DYNC2H1: variants seen among roughly 807,000 people sequenced by gnomAD.
The protein encoded by DYNC2H1 is dynein cytoplasmic 2 heavy chain 1.
In DYNC2H1, 410 loss-of-function variants were observed where a neutral mutation model predicts 570.0. The ratio of observed to expected loss-of-function variants is 0.72; its 90% CI spans 0.66 to 0.78. The LOEUF (loss-of-function observed/expected upper bound fraction) is 0.78, where lower values mean the gene tolerates loss of function less well. DYNC2H1 is among the 30% of genes least tolerant of loss of function. The pLI, the probability that DYNC2H1 is intolerant of heterozygous loss-of-function variation, is 0.00. For missense variants in DYNC2H1, 4,865 were observed against 5,046.4 expected, an observed-to-expected ratio of 0.96 and a Z score of 1.09; for synonymous variants, 1,688 against 1,677.6, an observed-to-expected ratio of 1.01 and a Z score of -0.15.
intron 83 of DYNC2H1, among the ~76,000 whole-genome samples, chr11:103,389,615 C>T (rs1223426287): frequency 6.6e-6 from 1 of 152,012 alleles, no homozygotes; most frequent in East Asian, 1.9e-4. Context: ...ATCTTTCCTG[C>T]TTTCTCTTGT....
rs1591728204 is a variant in DYNC2H1 at position 103,422,103 on chromosome 11, A to G, written c.12367-13840A>G. Among the ~76,000 whole-genome samples the G allele has an allele frequency of 2.0e-5, 3 of 152,268 alleles. No homozygotes were observed. The South Asian group carries it at 6.2e-4, about 32-fold the overall frequency. On this transcript the variant is annotated intron_variant, in intron 84 of 88. Coordinates refer to ENST00000375735, the MANE Select transcript of DYNC2H1 (RefSeq NM_001377.3). ...ACCAGGCCATCTAGAAGAAATGGAT[A>G]AATTCCTGGACACATACACCCTCCC...
intron 83 of DYNC2H1, among the ~76,000 whole-genome samples, chr11:103,362,959 A>G (rs573490511): frequency 2.7e-4 from 41 of 152,256 alleles, no homozygotes; most frequent in African/African-American, 7.5e-4. Flanking sequence ...TGAACCCGGG[A>G]GACAGAGGTT....
At chr11:103,346,378 C>T (rs535666311) in intron 82 of DYNC2H1, among the ~76,000 whole-genome samples, 3 of 152,254 alleles carry the variant, frequency 2.0e-5, no homozygotes, top group Non-Finnish European at 4.4e-5. Context: ...TTTTTAGCCA[C>T]AACTTAGCCA....
At position 103,203,660 on chromosome 11, in the gene DYNC2H1, T is replaced by C. The variant is rs1862805143; in HGVS notation, c.8198-3T>C. ...TTTCAATTAGTCTAATATTTTTCTGTAGGTGAAGTTCCTGGACTCTATACT... is the reference window on the plus strand; with the variant it reads ...TTTCAATTAGTCTAATATTTTTCTGCAGGTGAAGTTCCTGGACTCTATACT... On this transcript the variant is annotated splice_region_variant and splice_polypyrimidine_tract_variant and intron_variant, in intron 50 of 88. Coordinates refer to ENST00000375735, the MANE Select transcript of DYNC2H1 (RefSeq NM_001377.3). This position sits in a 1 kb window ranked among gnomAD's most constrained non-coding sequence, Gnocchi z 4.7. 6.4e-7 allele frequency: 1 copy of C among 1,563,238 alleles called. No homozygotes were observed. Among genetic ancestry groups the C allele is most frequent in the Admixed American group, 1.9e-5 (1 of 52,186 alleles).
At chr11:103,469,853 A>T (rs1185777596) in intron 88 of DYNC2H1, among the ~76,000 whole-genome samples, 1 of 152,186 alleles carries the variant, frequency 6.6e-6, no homozygotes, top group African/African-American at 2.4e-5. Context: ...GTGTAAATCA[A>T]ATTGAAACTT....
chr11:103,469,211 T>C (rs894525645), intron 88 of DYNC2H1, among the ~76,000 whole-genome samples: 3 of 152,260 alleles, frequency 2.0e-5, no homozygotes, highest in Non-Finnish European at 2.9e-5. Context: ...AATGTCATTA[T>C]GCAGCTGATA....
Position 103,278,808 on chromosome 11 carries a change from C to A in DYNC2H1, c.10696-1540C>A, listed in dbSNP as rs1156908178. On this transcript the variant is annotated intron_variant, in intron 70 of 88. Transcript: ENST00000375735. ...TCTCGAACTCCTGACCTCAGGTGATCCGCCTGCCTTGGCCTCCCAAATTGC... is the reference window on the plus strand; with the variant it reads ...TCTCGAACTCCTGACCTCAGGTGATACGCCTGCCTTGGCCTCCCAAATTGC... 2.6e-5 allele frequency among the ~76,000 whole-genome samples: 4 copies of A among 152,090 alleles called. No individual in the cohort carries two copies. The East Asian group carries it at 7.7e-4, about 29-fold the overall frequency.
chr11:103,464,621 C>T (rs1224877228), intron 87 of DYNC2H1, among the ~76,000 whole-genome samples: 1 of 152,110 alleles, frequency 6.6e-6, no homozygotes, highest in Non-Finnish European at 1.5e-5. Context: ...TGACAGCGGA[C>T]TTCTCATTCA....
chr11:103,236,639 T>C, intron 63 of DYNC2H1, 100 bp downstream of exon 63: 1 of 580,604 alleles, frequency 1.7e-6, no homozygotes, highest in Non-Finnish European at 2.9e-6. Flanking sequence ...CAGTTACCCT[T>C]TTCTTACTAA....
At chr11:103,286,107 C>T in intron 73 of DYNC2H1, 148 bp from the exon 74 acceptor site, 1 of 1,099,720 alleles carries the variant, frequency 9.1e-7, no homozygotes, top group Non-Finnish European at 1.3e-6. Context: ...GAGTTGCCAA[C>T]CTAGAAATAA....
chr11:103,152,115 T>TG (rs1860581059), intron 20 of DYNC2H1, 21 bp from the exon 21 acceptor site: 1 of 1,547,468 alleles, frequency 6.5e-7, no homozygotes. Context: ...TTCAATTTGT[T>TG]TTTTTTTTTT....
chr11:103,184,469 A>T (rs999572570), intron 40 of DYNC2H1, among the ~76,000 whole-genome samples: 1 of 151,908 alleles, frequency 6.6e-6, no homozygotes, highest in South Asian at 2.1e-4. Context: ...TTTCAGAGAA[A>T]GCTCCATGTG....
In DYNC2H1 at chr11:103,191,642, T is replaced by TTGTGTGTGTG. The variant is rs146014868; in HGVS notation, c.7540+34_7540+43dup. 2,131 of 1,368,510 alleles carry TTGTGTGTGTG rather than the reference T, an allele frequency of 1.6e-3. 3 individuals are homozygous for TTGTGTGTGTG. Among genetic ancestry groups the TTGTGTGTGTG allele is most frequent in the South Asian group, 3.0e-3 (225 of 74,148 alleles). The allele number at this position is 1,368,510 out of a possible 1,614,324, so 84.8% of individuals were successfully genotyped here. A position where few individuals can be genotyped will look rare whatever the true frequency, so the allele number is the denominator to read the frequency against. Reference sequence around the variant, plus strand: ...GAGGTGAGTTTTGCTAGTGTGTATCTTGTGTGTGTGTGTGTGTGTGCACAT... The same window carrying TTGTGTGTGTG: ...GAGGTGAGTTTTGCTAGTGTGTATCTTGTGTGTGTGTGTGTGTGTGTGTGTGTGTGCACAT... On this transcript the variant is annotated intron_variant, in intron 46 of 88. Coordinates refer to ENST00000375735, the MANE Select transcript of DYNC2H1 (RefSeq NM_001377.3).
chr11:103,400,153 C>G lies in DYNC2H1; in HGVS notation c.12366+281C>G, dbSNP rs73599087. On this transcript the variant is annotated intron_variant, in intron 84 of 88. Transcript: ENST00000375735. The stretch of plus-strand genomic sequence containing the variant: ...AATTTATGTTGATTTCACTTTGGGG[C>G]AGGTCCCCTATACATGAGCTTGAGT... Among the ~76,000 whole-genome samples the G allele has an allele frequency of 0.026, 3,944 of 152,266 alleles. 174 individuals carry two copies. The highest frequency in any genetic ancestry group is 0.089 in the African/African-American group (3,689 of 41,538).
intron 84 of DYNC2H1, among the ~76,000 whole-genome samples, chr11:103,427,903 A>G (rs1200896272): frequency 2.6e-5 from 4 of 151,986 alleles, no homozygotes; most frequent in Non-Finnish European, 5.9e-5. Flanking sequence ...TTTGAGTAGA[A>G]TTTATCATTC....
In DYNC2H1 at chr11:103,151,292, G is replaced by A. The variant is rs1352059815; in HGVS notation, c.2947-844G>A. On this transcript the variant is annotated intron_variant, in intron 20 of 88. Transcript: ENST00000375735. The surrounding 1 kb of genome is among the most constrained non-coding windows in gnomAD (Gnocchi z 4.6). ...TTTTAAAATATATTTTTTTAGAGAT[G>A]CGTTCTCACTATGTTGCTTAGGTTA... 6.6e-6 allele frequency among the ~76,000 whole-genome samples: 1 copy of A among 152,092 alleles called. No individual in the cohort carries two copies. Among genetic ancestry groups the A allele is most frequent in the African/African-American group, 2.4e-5 (1 of 41,494 alleles).
At chr11:103,388,165 CTCTTT>C (rs1214032225) in intron 83 of DYNC2H1, among the ~76,000 whole-genome samples, 14 of 151,964 alleles carry the variant, frequency 9.2e-5, no homozygotes, top group African/African-American at 3.4e-4. Flanking sequence ...TGTTTGTATC[CTCTTT>C]TATTTCCTTG....
chr11:103,384,607 A>G (rs765938385), intron 83 of DYNC2H1, among the ~76,000 whole-genome samples: 1 of 151,728 alleles, frequency 6.6e-6, no homozygotes, highest in Non-Finnish European at 1.5e-5. Flanking sequence ...GGTATTCTGT[A>G]TGTTTTTTGT....
At position 103,143,386 on chromosome 11, in the gene DYNC2H1, G is replaced by A. The variant is rs375661171; in HGVS notation, c.2693G>A (p.Arg898Gln). 52 of 1,609,108 alleles carry A rather than the reference G, an allele frequency of 3.2e-5. No individual in the cohort carries two copies. In the South Asian group the frequency reaches 3.5e-4, roughly 11 times the overall value. ...AAAATAAAGGGGAAAGAAGTAGAAC[G>A]ACTTCCAAGGTATTGGAGGTTAATG... ...ALKIKGKEVE[R>Q]LPSAVKVDCL... The change falls in exon 18 of 89, where the codon CGA (arginine) becomes CAA (glutamine). Residue 898 changes from arginine to glutamine, a missense_variant. By Grantham distance (43) the Arg-to-Gln change is conservative. Transcript: ENST00000375735.
Sources: allele counts gnomAD v4.1 joint callset (sites outside exome capture counted in the v4.1 genomes callset), GRCh38; gene constraint gnomAD v4.1.1; non-coding constraint Gnocchi (gnomAD v3.1); transcripts MANE v1.5; gene names NCBI Gene and HGNC (gene_info 2026-07-23, HGNC 2026-07-21).